Variants in LRRTM3 observed in about 807,000 individuals in gnomAD.
The protein encoded by LRRTM3 is leucine rich repeat transmembrane neuronal 3.
In LRRTM3, 24 loss-of-function variants were observed where a neutral mutation model predicts 44.7. The ratio of observed to expected loss-of-function variants is 0.54; its 90% confidence interval spans 0.39 to 0.76. The LOEUF is 0.76. Ranked by LOEUF, LRRTM3 falls within the 30% of genes least tolerant of loss-of-function variation. The pLI is 0.00. For synonymous variants in LRRTM3, 277 were observed against 278.7 expected, an observed-to-expected ratio of 0.99 and a Z score of 0.06; for missense variants, 587 against 702.2, an observed-to-expected ratio of 0.84 and a Z score of 1.85.
chr10:67,032,623 C>A (rs943432020), intron 2 of LRRTM3, among the ~76,000 whole-genome samples: 27 of 152,270 alleles, frequency 1.8e-4, no homozygotes, highest in African/African-American at 6.5e-4. Flanking sequence ...TCTACAGTTA[C>A]AATTTTTCAC....
intron 2 of LRRTM3, among the ~76,000 whole-genome samples, chr10:66,995,772 C>T (rs990662002): frequency 6.6e-6 from 1 of 152,144 alleles, no homozygotes; most frequent in Admixed American, 6.6e-5. Flanking sequence ...TGCCTTTAAC[C>T]TGATGAATTT....
intron 2 of LRRTM3, among the ~76,000 whole-genome samples, chr10:67,027,503 C>T (rs142279420): frequency 0.019 from 2,715 of 144,668 alleles, 84 homozygotes; most frequent in African/African-American, 0.065. Context: ...GGTGTGATCT[C>T]GGCTCACTGC....
intron 2 of LRRTM3, among the ~76,000 whole-genome samples, chr10:67,014,000 ATT>A (rs1353519318): frequency 6.6e-6 from 1 of 152,142 alleles, no homozygotes; most frequent in East Asian, 1.9e-4. Context: ...ACTCCAGAGA[ATT>A]TGTCTCTAAA....
chr10:67,025,153 AAAGG>A (rs1221696371), intron 2 of LRRTM3, among the ~76,000 whole-genome samples: 256 of 149,338 alleles, frequency 1.7e-3, no homozygotes, highest in Middle Eastern at 6.9e-3. Flanking sequence ...AAAAAGAAAG[AAAGG>A]AAGGAAGGAA....
intron 2 of LRRTM3, among the ~76,000 whole-genome samples, chr10:67,020,872 G>A (rs548378837): frequency 9.9e-5 from 15 of 152,240 alleles, no homozygotes; most frequent in Admixed American, 9.8e-4. Flanking sequence ...CTAATGCATG[G>A]AAGAGGAAAA....
chr10:66,963,372 T>G (rs1405509137), intron 2 of LRRTM3, among the ~76,000 whole-genome samples: 1 of 152,156 alleles, frequency 6.6e-6, no homozygotes, highest in African/African-American at 2.4e-5. Context: ...GTATGGAAAA[T>G]GTGATTATAT....
chr10:66,946,812 A>G (rs1307126157), intron 2 of LRRTM3, among the ~76,000 whole-genome samples: 1 of 152,048 alleles, frequency 6.6e-6, no homozygotes, highest in Non-Finnish European at 1.5e-5. Flanking sequence ...TATTCAAATG[A>G]TGGATCTACG....
chr10:66,979,883 G>C (rs1368602738), intron 2 of LRRTM3, among the ~76,000 whole-genome samples: 1 of 152,082 alleles, frequency 6.6e-6, no homozygotes, highest in Non-Finnish European at 1.5e-5. Flanking sequence ...AAACAAAATA[G>C]AAAAAGCCTG....
At chr10:66,982,374 G>T (rs1262561548) in intron 2 of LRRTM3, among the ~76,000 whole-genome samples, 2 of 152,118 alleles carry the variant, frequency 1.3e-5, no homozygotes, top group East Asian at 3.9e-4. Flanking sequence ...GGGTGACTCA[G>T]GCAAGTTACT....
rs550760732 is a variant in LRRTM3 at position 67,015,908 on chromosome 10, A to G, written c.1537-81679A>G. On this transcript the variant is annotated intron_variant, in intron 2 of 2. Transcript: ENST00000361320. ...ATCTATGCTTGTGACTTTGTTTTCA[A>G]TCAAGTTTATTCTATTTGTGTTGCT... is the stretch of plus-strand genomic sequence containing the variant. Among the ~76,000 whole-genome samples, 6 of 151,938 alleles carry G rather than the reference A, an allele frequency of 3.9e-5. No homozygotes were observed. In the South Asian group the frequency reaches 8.3e-4, roughly 21 times the overall value.
In LRRTM3 at chr10:66,940,292, C is replaced by G. The variant is rs200661837; in HGVS notation, c.1536+11840C>G. On this transcript the variant is annotated intron_variant, in intron 2 of 2. Transcript: ENST00000361320. ...AGGCAAGGAGGATCACTTGAGCTCT[C>G]AAGACCAGTCTGGAAACATAGCAAG... is the stretch of plus-strand genomic sequence containing the variant. Among the ~76,000 whole-genome samples the G allele has an allele frequency of 2.6e-5, 4 of 151,944 alleles. No homozygotes were observed. The East Asian group carries it at 7.7e-4, about 29-fold the overall frequency.
intron 2 of LRRTM3, among the ~76,000 whole-genome samples, chr10:66,999,541 T>A (rs1851559654): frequency 6.7e-6 from 1 of 149,890 alleles, no homozygotes; most frequent in Non-Finnish European, 1.5e-5. Flanking sequence ...CTCTCTTTTC[T>A]AACTATAGAG....
intron 2 of LRRTM3, among the ~76,000 whole-genome samples, chr10:66,936,038 G>A (rs1033145584): frequency 3.9e-5 from 6 of 152,094 alleles, no homozygotes; most frequent in Non-Finnish European, 1.5e-5. Flanking sequence ...CTTCCAGCCT[G>A]TGGCACCCAC....
chr10:67,073,477 T>C (rs1457689964), intron 2 of LRRTM3, among the ~76,000 whole-genome samples: 1 of 152,130 alleles, frequency 6.6e-6, no homozygotes, highest in Non-Finnish European at 1.5e-5. Context: ...GCCATCCTGA[T>C]CATCATCTTC....
intron 2 of LRRTM3, among the ~76,000 whole-genome samples, chr10:66,938,472 A>G (rs1201363742): frequency 6.6e-6 from 1 of 152,210 alleles, no homozygotes; most frequent in Non-Finnish European, 1.5e-5. Flanking sequence ...ATCATAAGGA[A>G]AAGAAAATAT....
At chr10:67,039,253 G>A (rs757980224) in intron 2 of LRRTM3, among the ~76,000 whole-genome samples, 1 of 152,072 alleles carries the variant, frequency 6.6e-6, no homozygotes, top group Admixed American at 6.5e-5. Context: ...CAGATGTATA[G>A]AACTGTAGCA....
chr10:66,995,619 ATTT>A (rs1301483078), intron 2 of LRRTM3, among the ~76,000 whole-genome samples: 3 of 152,128 alleles, frequency 2.0e-5, no homozygotes, highest in Non-Finnish European at 2.9e-5. Flanking sequence ...ACATCTCTAT[ATTT>A]TTTTATTAAG....
intron 2 of LRRTM3, among the ~76,000 whole-genome samples, chr10:67,024,466 T>A (rs931474102): frequency 3.3e-5 from 5 of 152,230 alleles, no homozygotes; most frequent in Non-Finnish European, 7.3e-5. Context: ...GGTAACATAG[T>A]TGCAGGTTCT....
chr10:67,033,088 G>A (rs10997488), intron 2 of LRRTM3, among the ~76,000 whole-genome samples: 12 of 152,062 alleles, frequency 7.9e-5, no homozygotes, highest in Non-Finnish European at 1.3e-4. Context: ...TTGGAAACTC[G>A]AAATTCTTAA....
Sources: allele counts gnomAD v4.1 joint callset (sites outside exome capture counted in the v4.1 genomes callset), GRCh38; gene constraint gnomAD v4.1.1; transcripts MANE v1.5; gene names NCBI Gene and HGNC (gene_info 2026-07-23, HGNC 2026-07-21).